The following RBFOX1 variants were observed in gnomAD, a reference collection of about 807,000 sequenced individuals.
The protein encoded by RBFOX1 is RNA binding fox-1 homolog 1.
Under a neutral mutation model 57.7 loss-of-function variants are expected in RBFOX1, and 8 were observed. The ratio of observed to expected loss-of-function variants is 0.14; its 90% CI spans 0.08 to 0.25. RBFOX1 has a LOEUF of 0.25. Among genes scored for constraint, RBFOX1 ranks in the 10% least tolerant of loss-of-function variants. The pLI is 1.00. For missense variants in RBFOX1, 611 were observed against 548.5 expected (o/e 1.11, Z -1.14); for synonymous variants, 326 against 222.4 (o/e 1.47, Z -4.15).
intron 2 of RBFOX1, among the ~76,000 whole-genome samples, chr16:5,589,479 G>C (rs1455465144): frequency 7.2e-5 from 11 of 152,130 alleles, no homozygotes; most frequent in Admixed American, 7.2e-4. Flanking sequence ...TCTTCCAGAG[G>C]AAGAAACTCA....
At chr16:7,002,490 G>T (rs747904959) in intron 3 of RBFOX1, among the ~76,000 whole-genome samples, 13 of 152,270 alleles carry the variant, frequency 8.5e-5, no homozygotes, top group African/African-American at 2.6e-4. Context: ...GAGGCAGGCG[G>T]ATCATGAGGT....
At chr16:7,549,730 G>C (rs948589642) in intron 5 of RBFOX1, among the ~76,000 whole-genome samples, 5 of 152,072 alleles carry the variant, frequency 3.3e-5, no homozygotes, top group Non-Finnish European at 7.3e-5. Flanking sequence ...TCTTCTGCCT[G>C]CCTTTATTCT....
At chr16:7,085,017 G>T (rs1164715604) in intron 4 of RBFOX1, among the ~76,000 whole-genome samples, 2 of 152,080 alleles carry the variant, frequency 1.3e-5, no homozygotes, top group African/African-American at 2.4e-5. Flanking sequence ...TAATATGTCA[G>T]TGTCTTACTC....
At chr16:5,331,393 T>C (rs532845386) in intron 1 of RBFOX1, among the ~76,000 whole-genome samples, 2 of 152,356 alleles carry the variant, frequency 1.3e-5, no homozygotes, top group South Asian at 4.1e-4. Context: ...GAAAATGGGC[T>C]GATCTTGGCT....
At chr16:7,243,584 G>A (rs535616814) in intron 4 of RBFOX1, among the ~76,000 whole-genome samples, 22 of 152,234 alleles carry the variant, frequency 1.4e-4, no homozygotes, top group African/African-American at 5.3e-4. Context: ...CTGTCACTCT[G>A]TCACCCAGGC....
intron 4 of RBFOX1, among the ~76,000 whole-genome samples, chr16:5,937,805 A>G (rs1301266888): frequency 6.7e-6 from 1 of 149,936 alleles, no homozygotes; most frequent in Non-Finnish European, 1.5e-5. Flanking sequence ...ACCTATATAA[A>G]TTATACAAAT....
At chr16:6,778,230 C>G (rs1023942943) in intron 3 of RBFOX1, among the ~76,000 whole-genome samples, 3 of 152,060 alleles carry the variant, frequency 2.0e-5, no homozygotes, top group Admixed American at 6.6e-5. Context: ...TAAATTAAAA[C>G]ATTAATTTCA....
intron 3 of RBFOX1, among the ~76,000 whole-genome samples, chr16:5,690,731 G>A (rs781017162): frequency 7.2e-5 from 11 of 152,124 alleles, no homozygotes; most frequent in Non-Finnish European, 1.0e-4. Context: ...CTGACGTTGG[G>A]GTGAGGGGCG....
rs1401284977 is a variant in RBFOX1 at position 6,288,915 on chromosome 16, A to C, written c.-126-28080A>C. Among the ~76,000 whole-genome samples the C allele has an allele frequency of 7.2e-5, 11 of 152,268 alleles. No homozygotes were observed. In the East Asian group the frequency reaches 2.1e-3, roughly 29 times the overall value. On this transcript the variant is annotated intron_variant, in intron 1 of 15. Coordinates refer to ENST00000550418, the MANE Select transcript of RBFOX1 (RefSeq NM_018723.4). Reference sequence around the variant, plus strand: ...AATTCTGGACATTAGTTCTCAAGGCAATGCTTCTCATTGAGATGCTGTCAC... The same window carrying C: ...AATTCTGGACATTAGTTCTCAAGGCCATGCTTCTCATTGAGATGCTGTCAC...
intron 3 of RBFOX1, among the ~76,000 whole-genome samples, chr16:5,670,358 A>C (rs2049980746): frequency 6.6e-6 from 1 of 152,228 alleles, no homozygotes; most frequent in Non-Finnish European, 1.5e-5. Flanking sequence ...ACCCATTTTC[A>C]ATTAAACAAC....
chr16:7,697,702 C>T (rs1246650025), intron 14 of RBFOX1, among the ~76,000 whole-genome samples: 1 of 152,142 alleles, frequency 6.6e-6, no homozygotes, highest in African/African-American at 2.4e-5. Context: ...AAACCCTTCC[C>T]CTGGGTCACA....
At chr16:6,781,903 G>C (rs2081079857) in intron 3 of RBFOX1, among the ~76,000 whole-genome samples, 1 of 151,876 alleles carries the variant, frequency 6.6e-6, no homozygotes, top group African/African-American at 2.4e-5. Flanking sequence ...ATTTATTTCT[G>C]CTCTGATCTT....
intron 2 of RBFOX1, among the ~76,000 whole-genome samples, chr16:6,597,176 C>G (rs941706244): frequency 1.3e-5 from 2 of 152,142 alleles, no homozygotes; most frequent in African/African-American, 4.8e-5. Flanking sequence ...TTATAAATTA[C>G]TAAGGACGAT....
intron 3 of RBFOX1, among the ~76,000 whole-genome samples, chr16:6,715,803 T>G (rs1392976661): frequency 3.9e-5 from 6 of 152,174 alleles, no homozygotes; most frequent in African/African-American, 1.4e-4. Context: ...TACACAAAAT[T>G]GGAAAATAAA....
In RBFOX1 at chr16:6,821,508, A is replaced by G. The variant is rs541326490; in HGVS notation, c.-16+166858A>G. On this transcript the variant is annotated intron_variant, in intron 3 of 15. Coordinates refer to ENST00000550418, the MANE Select transcript of RBFOX1 (RefSeq NM_018723.4). ...TATCTAGTTCCAAAACATTTTCATTATCCCAAAAAGAAATCCCATGCCTAT... is the reference window on the plus strand; with the variant it reads ...TATCTAGTTCCAAAACATTTTCATTGTCCCAAAAAGAAATCCCATGCCTAT... 5.1e-4 allele frequency among the ~76,000 whole-genome samples: 77 copies of G among 152,310 alleles called. 1 individual carries two copies. Among genetic ancestry groups the G allele is most frequent in the Non-Finnish European group, 6.8e-4 (46 of 68,020 alleles).
intron 1 of RBFOX1, among the ~76,000 whole-genome samples, chr16:6,301,084 A>G (rs1270795322): frequency 1.3e-5 from 2 of 152,204 alleles, no homozygotes; most frequent in Non-Finnish European, 2.9e-5. Context: ...CATTGAAAAA[A>G]AAATCCTTGA....
At chr16:5,992,442 G>A (rs987939786) in intron 4 of RBFOX1, among the ~76,000 whole-genome samples, 1 of 152,164 alleles carries the variant, frequency 6.6e-6, no homozygotes, top group Admixed American at 6.5e-5. Flanking sequence ...GAATGAAAAT[G>A]CGTAAGACTG....
intron 4 of RBFOX1, among the ~76,000 whole-genome samples, chr16:5,901,578 C>G (rs2058305665): frequency 6.6e-6 from 1 of 152,076 alleles, no homozygotes; most frequent in African/African-American, 2.4e-5. Context: ...GAAATTCAGC[C>G]CCTCAGCCAT....
intron 3 of RBFOX1, among the ~76,000 whole-genome samples, chr16:6,907,274 G>A (rs759662879): frequency 1.3e-5 from 2 of 152,176 alleles, no homozygotes; most frequent in African/African-American, 2.4e-5. Flanking sequence ...AGTGCTGACA[G>A]TGAGAGTCAT....
Sources: gnomAD v4.1 joint callset for allele counts (sites outside exome capture counted in the v4.1 genomes callset) on GRCh38, gnomAD v4.1.1 for gene constraint, MANE v1.5 for transcripts, NCBI Gene and HGNC (gene_info 2026-07-23, HGNC 2026-07-21) for gene names.